LGSN: variants seen among roughly 807,000 people sequenced by gnomAD.
LGSN encodes lengsin, lens protein with glutamine synthetase domain, also known as lengsin.
A neutral mutation model predicts 19.5 loss-of-function variants in LGSN; 21 were observed. The ratio of observed to expected loss-of-function variants is 1.07; its 90% confidence interval spans 0.76 to 1.55. The LOEUF (loss-of-function observed/expected upper bound fraction) is 1.55, where lower values mean the gene tolerates loss of function less well. LGSN is among the 40% of genes most tolerant of loss of function. The pLI is 0.00. For missense variants in LGSN, 673 were observed against 608.5 expected (o/e 1.11, Z -1.12); for synonymous variants, 257 against 215.6 (o/e 1.19, Z -1.68).
rs1421030241 is a variant in LGSN, at chr6:63,277,712, G to A, written c.*2309C>T. On this transcript the variant is annotated 3_prime_UTR_variant, in exon 4 of 4. Coordinates refer to ENST00000370657, the MANE Select transcript of LGSN (RefSeq NM_016571.3). ...GGACATAATCCTAGCCACATTATCT[G>A]TAGGCCACTCAGCAGGAAGGGTGAA... 1.3e-5 allele frequency: 2 copies of A among 152,312 alleles called. No individual in the cohort carries two copies. Among genetic ancestry groups the A allele is most frequent in the Admixed American group, 1.3e-4 (2 of 15,272 alleles). The allele number at this position is 152,312 out of a possible 1,614,324, so 9.4% of individuals were successfully genotyped here.
chr6:63,288,235 AAAT>A (rs1767620444), intron 2 of LGSN, among the ~76,000 whole-genome samples: 1 of 119,728 alleles, frequency 8.4e-6, no homozygotes, highest in Non-Finnish European at 1.9e-5. Flanking sequence ...TCAAAAAAAT[AAAT>A]AAATAAATAA....
chr6:63,333,044 G>A, the LGSN span, among the ~76,000 whole-genome samples: 447 of 152,144 alleles, frequency 2.9e-3, 4 homozygotes, highest in African/African-American at 0.01. Context: ...CATAAAAGCA[G>A]TGTGGACCCA....
chr6:63,547,270 A>T, the LGSN span, among the ~76,000 whole-genome samples: 1 of 150,774 alleles, frequency 6.6e-6, no homozygotes, highest in African/African-American at 2.4e-5. Flanking sequence ...GCACACTGCA[A>T]CCTGCGCCTC....
the LGSN span, among the ~76,000 whole-genome samples, chr6:63,470,921 G>C: frequency 1.4e-5 from 2 of 143,762 alleles, no homozygotes; most frequent in Non-Finnish European, 3.0e-5. Flanking sequence ...ATGCAGCTCA[G>C]ATTCAGTCTT....
chr6:63,281,335 A>ATAAATATATATAT (rs1554170069), intron 3 of LGSN, 115 bp from the exon 4 acceptor site: 1 of 144,082 alleles, frequency 6.9e-6, no homozygotes, highest in Non-Finnish European at 1.4e-5. Context: ...ATATATAATA[A>ATAAATATATATAT]ATATATATAT....
At chr6:63,502,701 C>T in the LGSN span, among the ~76,000 whole-genome samples, 3 of 152,096 alleles carry the variant, frequency 2.0e-5, no homozygotes, top group Non-Finnish European at 2.9e-5. Flanking sequence ...AAGAGAAAAA[C>T]GAGTAAATCC....
At chr6:63,541,806 A>G in the LGSN span, among the ~76,000 whole-genome samples, 1 of 152,040 alleles carries the variant, frequency 6.6e-6, no homozygotes, top group African/African-American at 2.4e-5. Flanking sequence ...CTGAAAGCCA[A>G]CCTCCTTACA....
chr6:63,572,756 A>T, the LGSN span: 1 of 398,338 alleles, frequency 2.5e-6, no homozygotes, highest in Non-Finnish European at 4.4e-6. Flanking sequence ...TCGGGCTGGG[A>T]ATCCACGACC....
the LGSN span, among the ~76,000 whole-genome samples, chr6:63,482,345 A>G: frequency 1.3e-5 from 2 of 152,140 alleles, no homozygotes; most frequent in South Asian, 4.1e-4. Context: ...TCTTCTTTCC[A>G]CTTGGATCCC....
chr6:63,518,762 T>C, the LGSN span, among the ~76,000 whole-genome samples: 1 of 152,118 alleles, frequency 6.6e-6, no homozygotes, highest in East Asian at 1.9e-4. Context: ...AATAATGCAA[T>C]AATCATAAAT....
chr6:63,348,402 C>T, the LGSN span, among the ~76,000 whole-genome samples: 30 of 151,322 alleles, frequency 2.0e-4, no homozygotes, highest in East Asian at 2.3e-3. Flanking sequence ...TTCAGTGAGC[C>T]GAGATCACAC....
chr6:63,520,039 C>T, the LGSN span, among the ~76,000 whole-genome samples: 1 of 152,178 alleles, frequency 6.6e-6, no homozygotes, highest in Non-Finnish European at 1.5e-5. Flanking sequence ...AGCCTCAATG[C>T]CTGAATCCAA....
chr6:63,392,749 GT>G, the LGSN span: 1 of 152,022 alleles, frequency 6.6e-6, no homozygotes, highest in South Asian at 2.1e-4. Context: ...CCTCGGTAAG[GT>G]TTTCCTTTTA....
chr6:63,488,908 G>C, the LGSN span, among the ~76,000 whole-genome samples: 1 of 150,700 alleles, frequency 6.6e-6, no homozygotes, highest in South Asian at 2.1e-4. Flanking sequence ...ACAAAATTTT[G>C]AACATACCAA....
the LGSN span, among the ~76,000 whole-genome samples, chr6:63,535,676 A>T: frequency 2.6e-5 from 4 of 152,168 alleles, no homozygotes; most frequent in African/African-American, 4.8e-5. Flanking sequence ...CATCATAAAC[A>T]CATTTATAGT....
At chr6:63,545,055 C>A in the LGSN span, among the ~76,000 whole-genome samples, 1 of 152,186 alleles carries the variant, frequency 6.6e-6, no homozygotes, top group African/African-American at 2.4e-5. Flanking sequence ...TCTGCCATTT[C>A]TTCAACATGT....
the LGSN span, among the ~76,000 whole-genome samples, chr6:63,326,447 C>A: frequency 6.6e-6 from 1 of 152,216 alleles, no homozygotes; most frequent in Non-Finnish European, 1.5e-5. Context: ...TGCCATGCAC[C>A]TGCACTCCTC....
chr6:63,357,995 G>T, the LGSN span, among the ~76,000 whole-genome samples: 1 of 152,020 alleles, frequency 6.6e-6, no homozygotes, highest in Non-Finnish European at 1.5e-5. Flanking sequence ...AATCCATCTT[G>T]AATTAATTTT....
chr6:63,411,000 C>A, the LGSN span, among the ~76,000 whole-genome samples: 1,949 of 152,210 alleles, frequency 0.013, 21 homozygotes, highest in Non-Finnish European at 0.018. Context: ...TTAGAGACAC[C>A]TACTGAGTTA....
Sources: gnomAD v4.1 joint callset for allele counts (sites outside exome capture counted in the v4.1 genomes callset) on GRCh38, gnomAD v4.1.1 for gene constraint, MANE v1.5 for transcripts, NCBI Gene and HGNC (gene_info 2026-07-23, HGNC 2026-07-21) for gene names.